The following ASCC3 variants were observed in gnomAD, a reference collection of about 807,000 sequenced individuals.
The protein encoded by ASCC3 is activating signal cointegrator 1 complex subunit 3.
A neutral mutation model predicts 256.3 loss-of-function variants in ASCC3; 158 were observed. The ratio of observed to expected loss-of-function variants is 0.62; its 90% confidence interval spans 0.54 to 0.70. The LOEUF (loss-of-function observed/expected upper bound fraction) is 0.70. Ranked by LOEUF, ASCC3 falls within the 30% of genes least tolerant of loss-of-function variation. The pLI is 0.00. For synonymous variants in ASCC3, 948 were observed against 883.4 expected (o/e 1.07, Z -1.30); for missense variants, 2,259 against 2,626.0 (o/e 0.86, Z 3.05).
At chr6:100,816,921 TAA>T (rs150963701) in intron 4 of ASCC3, among the ~76,000 whole-genome samples, 4,402 of 151,230 alleles carry the variant, frequency 0.029, 210 homozygotes, top group African/African-American at 0.1. Context: ...TTAAGAAATA[TAA>T]AAAAAGTTTT....
intron 4 of ASCC3, among the ~76,000 whole-genome samples, chr6:100,840,543 C>T (rs1461213075): frequency 5.4e-5 from 7 of 128,460 alleles, no homozygotes; most frequent in Admixed American, 2.5e-4. Flanking sequence ...GTTATTTTAG[C>T]GTAAGAGTCT....
At chr6:100,521,614 C>T (rs1213046419) in intron 37 of ASCC3, among the ~76,000 whole-genome samples, 1 of 152,136 alleles carries the variant, frequency 6.6e-6, no homozygotes, top group Admixed American at 6.5e-5. Context: ...GGTCTTGGAA[C>T]TATGTTCTAA....
At chr6:100,689,732 A>C (rs1287704792) in intron 13 of ASCC3, among the ~76,000 whole-genome samples, 5 of 152,202 alleles carry the variant, frequency 3.3e-5, no homozygotes, top group African/African-American at 1.2e-4. Context: ...GTAACAAGCA[A>C]ACTTCCAATT....
intron 36 of ASCC3, among the ~76,000 whole-genome samples, chr6:100,571,541 A>G (rs984676874): frequency 6.6e-6 from 1 of 152,218 alleles, no homozygotes; most frequent in Admixed American, 6.5e-5. Context: ...ATAAGTGCTC[A>G]ATAAATATTA....
chr6:100,637,403 C>G (rs1022860062), intron 25 of ASCC3, among the ~76,000 whole-genome samples: 4 of 152,136 alleles, frequency 2.6e-5, no homozygotes, highest in African/African-American at 9.7e-5. Context: ...GACAATACAT[C>G]TAATCACACT....
intron 30 of ASCC3, among the ~76,000 whole-genome samples, chr6:100,607,854 C>A (rs1014810482): frequency 6.6e-5 from 10 of 150,782 alleles, no homozygotes; most frequent in African/African-American, 2.4e-4. Context: ...TACTTCTTAT[C>A]TTCGATCAAT....
intron 13 of ASCC3, 52 bp from the exon 14 acceptor site, chr6:100,679,804 C>T (rs761391261): frequency 6.4e-7 from 1 of 1,567,418 alleles, no homozygotes; most frequent in South Asian, 1.1e-5. Context: ...TAAATTACAG[C>T]TTAATAGTAG....
intron 8 of ASCC3, among the ~76,000 whole-genome samples, chr6:100,787,788 C>G (rs1769161333): frequency 6.6e-6 from 1 of 151,930 alleles, no homozygotes; most frequent in Non-Finnish European, 1.5e-5. Flanking sequence ...CAAAAACAAA[C>G]AAAAACCTTG....
At chr6:100,627,241 T>A (rs1352098562) in intron 29 of ASCC3, among the ~76,000 whole-genome samples, 1 of 152,144 alleles carries the variant, frequency 6.6e-6, no homozygotes, top group Non-Finnish European at 1.5e-5. Context: ...TTTTATGATT[T>A]CTCATAAAAA....
chr6:100,514,319 G>A (rs1462281126), intron 39 of ASCC3, among the ~76,000 whole-genome samples: 1 of 152,000 alleles, frequency 6.6e-6, no homozygotes, highest in African/African-American at 2.4e-5. Context: ...TTCTAGGACT[G>A]GCCAGTCTGG....
chr6:100,559,849 CAAA>C (rs35881747), intron 36 of ASCC3, among the ~76,000 whole-genome samples: 3 of 116,834 alleles, frequency 2.6e-5, no homozygotes, highest in African/African-American at 3.2e-5. Flanking sequence ...GACTCCATCT[CAAA>C]AAAAAAAAAA....
chr6:100,790,876 T>C (rs1025766826), intron 8 of ASCC3, among the ~76,000 whole-genome samples: 1 of 151,912 alleles, frequency 6.6e-6, no homozygotes, highest in Admixed American at 6.6e-5. Context: ...TTCCTAGTTA[T>C]CTGTTTGCAA....
chr6:100,538,189 C>T (rs1775263303), intron 37 of ASCC3, among the ~76,000 whole-genome samples: 1 of 152,130 alleles, frequency 6.6e-6, no homozygotes, highest in Non-Finnish European at 1.5e-5. Context: ...TCAACCCTTT[C>T]TGACCCCAGA....
intron 10 of ASCC3, among the ~76,000 whole-genome samples, chr6:100,728,051 T>C (rs532989791): frequency 1.8e-4 from 27 of 152,246 alleles, no homozygotes; most frequent in Admixed American, 8.5e-4. Flanking sequence ...ACAATCAAAT[T>C]GTCTAAGTAG....
chr6:100,745,032 A>T (rs1780598120), intron 10 of ASCC3, among the ~76,000 whole-genome samples: 1 of 152,144 alleles, frequency 6.6e-6, no homozygotes, highest in African/African-American at 2.4e-5. Context: ...TGTGTCTCAT[A>T]ATGAAGGAAA....
At chr6:100,799,668 C>G (rs1467795094) in intron 6 of ASCC3, 96 bp from the exon 7 acceptor site, 8 of 1,277,964 alleles carry the variant, frequency 6.3e-6, no homozygotes, top group Admixed American at 4.3e-5. Context: ...TGGGAGCTAG[C>G]CTTCCACCAT....
At chr6:100,661,323 T>TCACACACACACACACACA (rs749963143) in intron 16 of ASCC3, among the ~76,000 whole-genome samples, 5,774 of 141,450 alleles carry the variant, frequency 0.041, 175 homozygotes, top group Middle Eastern at 0.072. Flanking sequence ...AACACAAAAG[T>TCACACACACACACACACA]CACACACACA....
At chr6:100,714,784 A>G (rs1401832338) in intron 13 of ASCC3, among the ~76,000 whole-genome samples, 9 of 152,106 alleles carry the variant, frequency 5.9e-5, no homozygotes, top group Non-Finnish European at 1.3e-4. Flanking sequence ...TGCCTCAAGA[A>G]TGCTCAGTGT....
Position 100,540,101 on chromosome 6 carries a change from G to GA in ASCC3, c.5775+61dup, listed in dbSNP as rs1775374431. ...GCAAGTACATTTTATCCTAAAACTA[G>GA]AAAAAAGAGGGCAGGAATGATGGGA... On this transcript the variant is annotated intron_variant, in intron 37 of 41. Transcript: ENST00000369162. The GA allele has an allele frequency of 4.1e-6, 6 of 1,466,106 alleles. No individual in the cohort carries two copies. The African/African-American group carries it at 4.2e-5, about 10-fold the overall frequency. 90.8% of individuals were successfully genotyped at this position (1,466,106 alleles called of 1,614,324 possible). A position where few individuals can be genotyped will look rare whatever the true frequency, so the allele number is the denominator to read the frequency against.
Sources: allele counts gnomAD v4.1 joint callset (sites outside exome capture counted in the v4.1 genomes callset), GRCh38; gene constraint gnomAD v4.1.1; transcripts MANE v1.5; gene names NCBI Gene and HGNC (gene_info 2026-07-23, HGNC 2026-07-21).